Variants in ERG observed in about 807,000 individuals in gnomAD.
ERG encodes transcriptional regulator ERG.
In ERG, 9 loss-of-function variants were observed where a neutral mutation model predicts 55.3. That is an observed-to-expected ratio of 0.16 (90% CI 0.10 to 0.28). ERG has a LOEUF of 0.28. Among genes scored for constraint, ERG ranks in the 10% least tolerant of loss-of-function variants. The pLI is 1.00. For synonymous variants in ERG, 223 were observed against 237.3 expected, an observed-to-expected ratio of 0.94 and a Z score of 0.55; for missense variants, 434 against 631.6, an observed-to-expected ratio of 0.69 and a Z score of 3.35.
At chr21:38,408,096 C>T (rs1316272192) in intron 3 of ERG, among the ~76,000 whole-genome samples, 1 of 152,090 alleles carries the variant, frequency 6.6e-6, no homozygotes, top group Non-Finnish European at 1.5e-5. Flanking sequence ...TTGATCTCCA[C>T]ACCTCTGCCC....
At chr21:38,475,740 T>C (rs973820874) in intron 1 of ERG, among the ~76,000 whole-genome samples, 5 of 152,166 alleles carry the variant, frequency 3.3e-5, no homozygotes, top group Non-Finnish European at 7.3e-5. Flanking sequence ...CCACACTCTG[T>C]CTTCGTTGAG....
At chr21:38,378,843 G>A (rs1430691065), downstream of ERG, among the ~76,000 whole-genome samples, 1 of 152,160 alleles carries the variant, frequency 6.6e-6, no homozygotes, top group East Asian at 1.9e-4. Flanking sequence ...AAAGCTTTTG[G>A]AATTAACTAG....
rs1016039030 is a variant in ERG at position 38,545,530 on chromosome 21, A to C, written c.-41+30132T>G. The stretch of plus-strand genomic sequence containing the variant: ...TCTGTGACGGATATTTTCCCTGTGC[A>C]AGAGAAATTTCTTCTGCCCTAAAAT... On this transcript the variant is annotated intron_variant, in intron 2 of 8. Coordinates refer to the ERG transcript ENST00000398897. 1.3e-4 allele frequency among the ~76,000 whole-genome samples: 20 copies of C among 152,310 alleles called. No homozygotes were observed. In the Middle Eastern group the frequency reaches 0.014, roughly 104 times the overall value.
intron 2 of ERG, among the ~76,000 whole-genome samples, chr21:38,429,735 GTA>G (rs141931058): frequency 0.038 from 2,333 of 60,828 alleles, 62 homozygotes; most frequent in East Asian, 0.18. Context: ...ATATATGTGT[GTA>G]TATATATATA....
At chr21:38,656,185 C>G (rs62217514) in intron 1 of ERG, among the ~76,000 whole-genome samples, 2 of 151,956 alleles carry the variant, frequency 1.3e-5, no homozygotes, top group East Asian at 3.9e-4. Flanking sequence ...CTGGCAGCAG[C>G]CCCTACAGAT....
intron 1 of ERG, among the ~76,000 whole-genome samples, chr21:38,486,699 A>T (rs1313556189): frequency 6.6e-6 from 1 of 152,188 alleles, no homozygotes; most frequent in Non-Finnish European, 1.5e-5. Context: ...AGCCCATAAC[A>T]GCTAACATTA....
chr21:38,508,219 A>G (rs1213473033), intron 2 of ERG, among the ~76,000 whole-genome samples: 1 of 151,886 alleles, frequency 6.6e-6, no homozygotes, highest in East Asian at 2.0e-4. Context: ...CCTCTCTCCC[A>G]AGTCTAGCTG....
intron 2 of ERG, among the ~76,000 whole-genome samples, chr21:38,518,299 A>G (rs1235157706): frequency 6.6e-6 from 1 of 150,902 alleles, no homozygotes; most frequent in Non-Finnish European, 1.5e-5. Flanking sequence ...TATTTATAGT[A>G]TCCATTTTTA....
intron 1 of ERG, among the ~76,000 whole-genome samples, chr21:38,603,760 C>A (rs79204936): frequency 6.6e-6 from 1 of 152,048 alleles, no homozygotes; most frequent in South Asian, 2.1e-4. Flanking sequence ...AGGAGGAAAG[C>A]GGAAGAACAG....
At chr21:38,570,801 T>A (rs891601433) in intron 2 of ERG, among the ~76,000 whole-genome samples, 3 of 152,186 alleles carry the variant, frequency 2.0e-5, no homozygotes, top group Non-Finnish European at 4.4e-5. Context: ...GACTAGCATC[T>A]CTGGGATTCA....
chr21:38,483,249 G>A (rs769780197), intron 1 of ERG, among the ~76,000 whole-genome samples: 1 of 152,148 alleles, frequency 6.6e-6, no homozygotes, highest in Non-Finnish European at 1.5e-5. Context: ...GTGCTGTGCT[G>A]TACTTGGGAT....
intron 1 of ERG, among the ~76,000 whole-genome samples, chr21:38,613,702 G>A (rs114704984): frequency 6.6e-5 from 10 of 152,336 alleles, no homozygotes; most frequent in Admixed American, 5.9e-4. Flanking sequence ...CCGGGTAAGA[G>A]TGAGGGGGAC....
chr21:38,502,162 C>T (rs2836448), upstream of ERG, among the ~76,000 whole-genome samples: 134,472 of 152,290 alleles, frequency 0.88, 59,500 homozygotes, highest in Middle Eastern at 0.95. Flanking sequence ...GACTCATTCA[C>T]GTCTTTATCC....
chr21:38,661,006 G>A (rs1568979260), intron 1 of ERG, among the ~76,000 whole-genome samples: 1 of 152,010 alleles, frequency 6.6e-6, no homozygotes, highest in East Asian at 1.9e-4. Context: ...AAGAGGAGGA[G>A]GAAGAGGAGG....
In ERG at chr21:38,527,186, G is replaced by A. The variant is rs1401314515; in HGVS notation, c.-41+48476C>T. ...CACTAGCCCTTGGTGAAATTCAAGG[G>A]CATAATATTAGACTGAAACAGTGAG... On this transcript the variant is annotated intron_variant, in intron 2 of 8. Coordinates refer to the ERG transcript ENST00000398897. 2.0e-5 allele frequency among the ~76,000 whole-genome samples: 3 copies of A among 152,304 alleles called. No individual in the cohort carries two copies. In the East Asian group the frequency reaches 5.8e-4, roughly 29 times the overall value.
intron 1 of ERG, among the ~76,000 whole-genome samples, chr21:38,661,495 G>A (rs2060556391): frequency 6.6e-6 from 1 of 152,196 alleles, no homozygotes; most frequent in African/African-American, 2.4e-5. Context: ...TCTGACCGAC[G>A]CACGCGGTGA....
chr21:38,490,338 T>TA (rs1164846414), intron 1 of ERG, among the ~76,000 whole-genome samples: 1 of 152,210 alleles, frequency 6.6e-6, no homozygotes, highest in Non-Finnish European at 1.5e-5. Context: ...GAATGAATAG[T>TA]AAAATTAACT....
chr21:38,646,764 G>A (rs904425774), intron 1 of ERG, among the ~76,000 whole-genome samples: 1 of 152,040 alleles, frequency 6.6e-6, no homozygotes, highest in Non-Finnish European at 1.5e-5. Flanking sequence ...TTCTGATTGA[G>A]TTTTGGGGTA....
At chr21:38,429,189 A>T (rs1026849735) in intron 2 of ERG, among the ~76,000 whole-genome samples, 2 of 152,040 alleles carry the variant, frequency 1.3e-5, no homozygotes, top group Non-Finnish European at 2.9e-5. Flanking sequence ...CTCCAACTCC[A>T]TCCAAGTTGC....
Sources: gnomAD v4.1 joint callset for allele counts (sites outside exome capture counted in the v4.1 genomes callset) on GRCh38, gnomAD v4.1.1 for gene constraint, MANE v1.5 for transcripts, NCBI Gene and HGNC (gene_info 2026-07-23, HGNC 2026-07-21) for gene names.